The following FAM219A variants were observed in gnomAD, a reference collection of about 807,000 sequenced individuals.
The protein encoded by FAM219A is family with sequence similarity 219 member A.
In FAM219A, 7 loss-of-function variants were observed where a neutral mutation model predicts 23.4. The ratio of observed to expected loss-of-function variants is 0.30; its 90% CI spans 0.17 to 0.56. FAM219A has a LOEUF of 0.56. Among genes scored for constraint, FAM219A ranks in the 20% least tolerant of loss-of-function variants. The pLI is 0.92. For missense variants in FAM219A, 166 were observed against 246.9 expected (o/e 0.67, Z 2.20); for synonymous variants, 93 against 99.0 (o/e 0.94, Z 0.36).
rs1365806888 is a variant in FAM219A, at chr9:34,458,529, C to G, written c.-266G>C. The G allele has an allele frequency of 1.3e-5, 5 of 382,918 alleles. No individual in the cohort carries two copies. The highest frequency in any genetic ancestry group is 1.1e-4 in the South Asian group (3 of 27,000). 23.7% of individuals were successfully genotyped at this position (382,918 alleles called of 1,614,324 possible). A position where few individuals can be genotyped will look rare whatever the true frequency, so the allele number is the denominator to read the frequency against. On this transcript the variant is annotated 5_prime_UTR_variant, in exon 1 of 6. Coordinates refer to ENST00000651358, the MANE Select transcript of FAM219A (RefSeq NM_001184940.2). The surrounding 1 kb of genome is among the most constrained non-coding windows in gnomAD (Gnocchi z 6.6). ...GCAGGTCTTGCCTCGCCTCCTACTC[C>G]GCTGCCGCCTCCTGTCAGCAGCTCA...
chr9:34,426,547 G>C (rs572996401), intron 1 of FAM219A, among the ~76,000 whole-genome samples: 1 of 152,322 alleles, frequency 6.6e-6, no homozygotes. Flanking sequence ...ACAGTGCCTG[G>C]AGCATGCAGA....
Position 34,451,615 on chromosome 9 carries a change from C to G in FAM219A, c.60+6589G>C, listed in dbSNP as rs1007862354. Among the ~76,000 whole-genome samples the G allele has an allele frequency of 9.2e-5, 14 of 152,264 alleles. No homozygotes were observed. In the East Asian group the frequency reaches 1.4e-3, roughly 15 times the overall value. ...GACTAATCAGGTTTGAGTGAAGAAG[C>G]CTGTTTTCCATTTCTGCTCACTCTG... On this transcript the variant is annotated intron_variant, in intron 1 of 5. Transcript: ENST00000651358.
rs1353583108 is a variant in FAM219A, at chr9:34,457,702, C to T, written c.60+502G>A. 6.6e-6 allele frequency among the ~76,000 whole-genome samples: 1 copy of T among 152,148 alleles called. No homozygotes were observed. Reference sequence around the variant, plus strand: ...CCACCTTCCCCCACTGGGTCCCTCGCCCCGGCCCAGCGTTCCTGTCCGTAT... The same window carrying T: ...CCACCTTCCCCCACTGGGTCCCTCGTCCCGGCCCAGCGTTCCTGTCCGTAT... On this transcript the variant is annotated intron_variant, in intron 1 of 5. Coordinates refer to ENST00000651358, the MANE Select transcript of FAM219A (RefSeq NM_001184940.2). This position sits in a 1 kb window ranked among gnomAD's most constrained non-coding sequence, Gnocchi z 5.1.
chr9:34,454,798 T>A (rs1823674300), intron 1 of FAM219A, among the ~76,000 whole-genome samples: 1 of 152,066 alleles, frequency 6.6e-6, no homozygotes, highest in Non-Finnish European at 1.5e-5. Context: ...ATTAAATAAT[T>A]AAAAAAATAA....
At chr9:34,443,231 C>T (rs1281550125) in intron 1 of FAM219A, among the ~76,000 whole-genome samples, 1 of 152,202 alleles carries the variant, frequency 6.6e-6, no homozygotes, top group Non-Finnish European at 1.5e-5. Context: ...TGAAAATTGA[C>T]CTTCGGGAAC....
chr9:34,400,652 A>C lies in FAM219A; in HGVS notation c.*312T>G. 3.8e-6 allele frequency: 1 copy of C among 263,886 alleles called. No individual in the cohort carries two copies. The highest frequency in any genetic ancestry group is 7.2e-6 in the Non-Finnish European group (1 of 139,828). The allele number at this position is 263,886 out of a possible 1,614,324, so 16.3% of individuals were successfully genotyped here. A position where few individuals can be genotyped will look rare whatever the true frequency, so the allele number is the denominator to read the frequency against. On this transcript the variant is annotated 3_prime_UTR_variant, in exon 6 of 6. Coordinates refer to ENST00000651358, the MANE Select transcript of FAM219A (RefSeq NM_001184940.2). The stretch of plus-strand genomic sequence containing the variant: ...GTTAATGTTGACCTCCCTGCCGTCC[A>C]GTCTTCTCTCTTGGCCAGCCCTGGG...
chr9:34,427,860 C>T (rs988023505), intron 1 of FAM219A, among the ~76,000 whole-genome samples: 1 of 152,204 alleles, frequency 6.6e-6, no homozygotes, highest in African/African-American at 2.4e-5. Context: ...CCCCCAAACC[C>T]TCCTTCAACT....
intron 1 of FAM219A, among the ~76,000 whole-genome samples, chr9:34,415,777 A>T (rs578231395): frequency 6.6e-6 from 1 of 152,344 alleles, no homozygotes; most frequent in East Asian, 1.9e-4. Flanking sequence ...AGTGGGACTT[A>T]AATGGAGATG....
At chr9:34,405,238 G>T (rs1295637908) in intron 2 of FAM219A, among the ~76,000 whole-genome samples, 3 of 152,212 alleles carry the variant, frequency 2.0e-5, no homozygotes, top group Non-Finnish European at 4.4e-5. Context: ...GGCAATAGTG[G>T]TAGGAGCTGT....
At chr9:34,449,006 A>AAAAG (rs1554680557) in intron 1 of FAM219A, among the ~76,000 whole-genome samples, 4 of 150,342 alleles carry the variant, frequency 2.7e-5, no homozygotes, top group Admixed American at 6.6e-5. Flanking sequence ...AAAAAAAAAA[A>AAAAG]AACCTCAGCC....
At chr9:34,403,380 C>A (rs141273976) in intron 2 of FAM219A, among the ~76,000 whole-genome samples, 1 of 152,212 alleles carries the variant, frequency 6.6e-6, no homozygotes, top group Non-Finnish European at 1.5e-5. Context: ...GTTACAAACT[C>A]AGAACATGAA....
intron 1 of FAM219A, among the ~76,000 whole-genome samples, chr9:34,429,492 G>C (rs1822612166): frequency 6.6e-6 from 1 of 152,160 alleles, no homozygotes. Context: ...AGGTAGAGGA[G>C]GAACTTTCAA....
At chr9:34,431,533 G>A (rs772303641) in intron 1 of FAM219A, among the ~76,000 whole-genome samples, 3 of 152,116 alleles carry the variant, frequency 2.0e-5, no homozygotes, top group Non-Finnish European at 4.4e-5. Flanking sequence ...CTGGCAAAGA[G>A]CACCAAAACT....
intron 2 of FAM219A, 103 bp from the exon 3 acceptor site, chr9:34,402,910 T>C: frequency 1.0e-6 from 1 of 976,204 alleles, no homozygotes; most frequent in Non-Finnish European, 1.5e-6. Context: ...AACCACTTGC[T>C]CCTAGAAGGA....
chr9:34,447,356 C>T (rs1353620932), intron 1 of FAM219A, among the ~76,000 whole-genome samples: 1 of 152,172 alleles, frequency 6.6e-6, no homozygotes, highest in Non-Finnish European at 1.5e-5. Context: ...AATAGAAGTA[C>T]AATATCAATA....
chr9:34,437,653 T>A (rs542651322), intron 1 of FAM219A, among the ~76,000 whole-genome samples: 5 of 152,386 alleles, frequency 3.3e-5, no homozygotes, highest in African/African-American at 1.2e-4. Context: ...ACTTTCCTTC[T>A]CTGTAGATTA....
chr9:34,428,534 A>T (rs984895603), intron 1 of FAM219A, among the ~76,000 whole-genome samples: 1 of 152,238 alleles, frequency 6.6e-6, no homozygotes, highest in Non-Finnish European at 1.5e-5. Flanking sequence ...CCTTGTTTGC[A>T]GCCAGCTGTG....
At position 34,401,059 on chromosome 9, in the gene FAM219A, C is replaced by T. The variant is rs1377081806; in HGVS notation, c.463G>A (p.Asp155Asn). Reference sequence around the variant, plus strand: ...GGGATGAGGTCTAGGTCCTCGTCGTCGGGGATCTCATCTAACCGGTAGCCG... The same window carrying T: ...GGGATGAGGTCTAGGTCCTCGTCGTTGGGGATCTCATCTAACCGGTAGCCG... ...KDGYRLDEIPDDEDLDLIPPK... is the reference protein window; with the variant it reads ...KDGYRLDEIPNDEDLDLIPPK... Residue 155 changes from aspartate (D) to asparagine (N), a missense_variant, in exon 6 of 6, where the codon GAC (aspartate) becomes AAC (asparagine). Asp to Asn is a conservative substitution (Grantham distance 23, BLOSUM62 1). Around this residue, in one of 3 missense-constraint regions of FAM219A, gnomAD observed 72 missense variants for 131.0 expected, o/e 0.55. Coordinates refer to ENST00000651358, the MANE Select transcript of FAM219A (RefSeq NM_001184940.2). The T allele has an allele frequency of 6.2e-7, 1 of 1,612,406 alleles. No individual in the cohort carries two copies. The highest frequency in any genetic ancestry group is 8.5e-7 in the Non-Finnish European group (1 of 1,179,142).
intron 1 of FAM219A, among the ~76,000 whole-genome samples, chr9:34,416,818 T>TG (rs1422393060): frequency 4.0e-5 from 6 of 150,736 alleles, no homozygotes; most frequent in African/African-American, 1.5e-4. Flanking sequence ...ATTTTTTTTT[T>TG]TTTTTTTTTT....
Sources: gnomAD v4.1 joint callset for allele counts (sites outside exome capture counted in the v4.1 genomes callset) on GRCh38, gnomAD v4.1.1 for gene constraint, gnomAD v4.1.1 regional missense constraint, Gnocchi (gnomAD v3.1) non-coding constraint, MANE v1.5 for transcripts, NCBI Gene and HGNC (gene_info 2026-07-23, HGNC 2026-07-21) for gene names.